The following CDS2 variants were observed in gnomAD, a reference collection of about 807,000 sequenced individuals.
The protein encoded by CDS2 is CDP-diacylglycerol synthase 2.
Under a neutral mutation model 59.0 loss-of-function variants are expected in CDS2, and 47 were observed. That is an observed-to-expected ratio of 0.80 (90% confidence interval 0.63 to 1.02). The LOEUF (loss-of-function observed/expected upper bound fraction) is 1.02. Among genes scored for constraint, CDS2 ranks in the 50% least tolerant of loss-of-function variants. CDS2 has a pLI of 0.00. For missense variants in CDS2, 356 were observed against 558.9 expected, an observed-to-expected ratio of 0.64 and a Z score of 3.66; for synonymous variants, 207 against 206.4, an observed-to-expected ratio of 1.00 and a Z score of -0.02.
chr20:5,161,748 T>C (rs2090878111), intron 1 of CDS2, among the ~76,000 whole-genome samples: 1 of 152,252 alleles, frequency 6.6e-6, no homozygotes, highest in African/African-American at 2.4e-5. Flanking sequence ...AGTATGCTCA[T>C]TTCCCAGTTG....
chr20:5,177,520 C>G (rs1168663393), intron 4 of CDS2, among the ~76,000 whole-genome samples: 2 of 152,310 alleles, frequency 1.3e-5, no homozygotes, highest in African/African-American at 2.4e-5. Flanking sequence ...AGACCCCTTT[C>G]TGATCTGAAA....
chr20:5,151,294 T>A (rs2090787078), intron 1 of CDS2, among the ~76,000 whole-genome samples: 1 of 152,192 alleles, frequency 6.6e-6, no homozygotes, highest in South Asian at 2.1e-4. Flanking sequence ...GTGTACCAAG[T>A]TTGGACACAT....
At chr20:5,181,114 A>G (rs1009894855) in intron 5 of CDS2, among the ~76,000 whole-genome samples, 1 of 152,240 alleles carries the variant, frequency 6.6e-6, no homozygotes, top group Non-Finnish European at 1.5e-5. Context: ...AAGGCTTTCC[A>G]TGAACTGGGT....
intron 1 of CDS2, among the ~76,000 whole-genome samples, chr20:5,152,044 G>A (rs952802481): frequency 6.0e-5 from 9 of 150,804 alleles, no homozygotes; most frequent in Non-Finnish European, 1.2e-4. Context: ...GATTATAGGC[G>A]TGAGCCACTG....
intron 5 of CDS2, among the ~76,000 whole-genome samples, chr20:5,180,677 C>T (rs993659409): frequency 1.1e-4 from 16 of 152,118 alleles, no homozygotes; most frequent in Admixed American, 1.0e-3. Context: ...ACTTAGAATA[C>T]CTAACCGTCT....
At chr20:5,182,680 T>A (rs2123057470) in intron 6 of CDS2, among the ~76,000 whole-genome samples, 1 of 152,326 alleles carries the variant, frequency 6.6e-6, no homozygotes, top group South Asian at 2.1e-4. Context: ...GACCCTGAGG[T>A]GGGCTCCAGA....
chr20:5,127,569 G>C (rs965587898), intron 1 of CDS2, among the ~76,000 whole-genome samples: 1 of 152,220 alleles, frequency 6.6e-6, no homozygotes, highest in Non-Finnish European at 1.5e-5. Context: ...TATTATTTTG[G>C]GGGGTGGGGG....
At chr20:5,142,504 A>G (rs966240060) in intron 1 of CDS2, among the ~76,000 whole-genome samples, 1 of 152,212 alleles carries the variant, frequency 6.6e-6, no homozygotes, top group Non-Finnish European at 1.5e-5. Flanking sequence ...TCCTGATCCA[A>G]TCAAACTGCA....
At chr20:5,181,319 A>C (rs1600511616) in intron 5 of CDS2, among the ~76,000 whole-genome samples, 1 of 151,974 alleles carries the variant, frequency 6.6e-6, no homozygotes, top group East Asian at 1.9e-4. Context: ...TCAGTGCTGC[A>C]GTCTATTTCC....
intron 3 of CDS2, chr20:5,175,551 G>T (rs1256582547): frequency 1.7e-5 from 5 of 297,406 alleles, no homozygotes; most frequent in Non-Finnish European, 3.2e-5. Context: ...ACTTTGTGAG[G>T]CTGAGGTGGG....
intron 1 of CDS2, among the ~76,000 whole-genome samples, chr20:5,159,325 C>CCT (rs397741213): frequency 4.8e-5 from 5 of 104,654 alleles, no homozygotes. Flanking sequence ...TTCCCTCCCC[C>CCT]TCCCCCCACC....
At chr20:5,138,235 C>T (rs1228529367) in intron 1 of CDS2, among the ~76,000 whole-genome samples, 1 of 151,732 alleles carries the variant, frequency 6.6e-6, no homozygotes, top group Non-Finnish European at 1.5e-5. Context: ...TACACATGAG[C>T]CACCATACCC....
At chr20:5,171,954 A>AC (rs1418171864) in intron 1 of CDS2, among the ~76,000 whole-genome samples, 6 of 152,166 alleles carry the variant, frequency 3.9e-5, no homozygotes, top group Non-Finnish European at 5.9e-5. Flanking sequence ...AGCAGTCTGC[A>AC]CTAGGCGAGG....
chr20:5,151,750 CTTTTTTTTTTTTTTT>C (rs57378947), intron 1 of CDS2, among the ~76,000 whole-genome samples: 150 of 53,200 alleles, frequency 2.8e-3, no homozygotes, highest in Non-Finnish European at 5.2e-3. Flanking sequence ...GACTCCATGT[CTTTTTTTTTTTTTTT>C]TTTTTTTTTT....
intron 1 of CDS2, among the ~76,000 whole-genome samples, chr20:5,154,359 C>T (rs960818806): frequency 8.5e-5 from 13 of 152,202 alleles, no homozygotes; most frequent in African/African-American, 2.9e-4. Flanking sequence ...TGGTAGTTCT[C>T]TGCCTCTCTG....
Position 5,184,491 on chromosome 20 carries a change from A to G in CDS2, c.672-367A>G, listed in dbSNP as rs1194278816. Reference sequence around the variant, plus strand: ...AGAAAAATAAAAATTAGAAACGATTAGAAGTGGTTATTTTTGGGAATGGAG... The same window carrying G: ...AGAAAAATAAAAATTAGAAACGATTGGAAGTGGTTATTTTTGGGAATGGAG... On this transcript the variant is annotated intron_variant, in intron 7 of 12. Coordinates refer to ENST00000460006, the MANE Select transcript of CDS2 (RefSeq NM_003818.4). The surrounding 1 kb of genome is among the most constrained non-coding windows in gnomAD (Gnocchi z 4.3). Among the ~76,000 whole-genome samples, 1 of 152,244 alleles carries G rather than the reference A, an allele frequency of 6.6e-6. No homozygotes were observed. The highest frequency in any genetic ancestry group is 2.4e-5 in the African/African-American group (1 of 41,462).
At chr20:5,144,885 G>A (rs1348982458) in intron 1 of CDS2, among the ~76,000 whole-genome samples, 1 of 152,188 alleles carries the variant, frequency 6.6e-6, no homozygotes, top group Non-Finnish European at 1.5e-5. Flanking sequence ...CTCCCTAAGT[G>A]AGGCAGCATG....
At chr20:5,175,607 G>A in intron 3 of CDS2, 1 of 206,528 alleles carries the variant, frequency 4.8e-6, no homozygotes, top group South Asian at 6.1e-5. Flanking sequence ...CCAACATGGT[G>A]AAACCCTGTC....
At chr20:5,187,335 C>T (rs2091076838) in intron 10 of CDS2, 1 of 173,836 alleles carries the variant, frequency 5.8e-6, no homozygotes, top group African/African-American at 2.3e-5. Context: ...CCTTTGTACA[C>T]ACACCTTTTT....
Sources: gnomAD v4.1 joint callset for allele counts (sites outside exome capture counted in the v4.1 genomes callset) on GRCh38, gnomAD v4.1.1 for gene constraint, Gnocchi (gnomAD v3.1) non-coding constraint, MANE v1.5 for transcripts, NCBI Gene and HGNC (gene_info 2026-07-23, HGNC 2026-07-21) for gene names.